Variants in IQSEC3 observed in about 807,000 individuals in gnomAD.
IQSEC3 encodes IQ motif and Sec7 domain ArfGEF 3.
Under a neutral mutation model 105.4 loss-of-function variants are expected in IQSEC3, and 50 were observed. The ratio of observed to expected loss-of-function variants is 0.47; its 90% CI spans 0.38 to 0.60. IQSEC3 has a LOEUF of 0.60. IQSEC3 is among the 20% of genes least tolerant of loss of function. The pLI, the probability that IQSEC3 is intolerant of heterozygous loss-of-function variation, is 0.00. For missense variants in IQSEC3, 1,415 were observed against 1,630.0 expected (o/e 0.87, Z 2.27); for synonymous variants, 708 against 746.0 (o/e 0.95, Z 0.83).
At chr12:69,499 A>C (rs1863226251) in intron 1 of IQSEC3, among the ~76,000 whole-genome samples, 1 of 152,266 alleles carries the variant, frequency 6.6e-6, no homozygotes, top group South Asian at 2.1e-4. Flanking sequence ...AGCATGGTGG[A>C]GCAGAGTGGA....
At chr12:156,110 A>G (rs970316157) in intron 5 of IQSEC3, among the ~76,000 whole-genome samples, 1 of 152,180 alleles carries the variant, frequency 6.6e-6, no homozygotes, top group African/African-American at 2.4e-5. Flanking sequence ...GGATCGGGCT[A>G]GACCAGAGGA....
At chr12:130,330 T>G (rs1865546591) in intron 3 of IQSEC3, among the ~76,000 whole-genome samples, 1 of 152,198 alleles carries the variant, frequency 6.6e-6, no homozygotes, top group Non-Finnish European at 1.5e-5. Context: ...CCCGTGAGAT[T>G]GGCACCATTA....
rs577995626 is a variant in IQSEC3, at chr12:138,133, C to T, written c.904-134C>T. 5.9e-5 allele frequency: 44 copies of T among 751,844 alleles called. 4 individuals carry two copies. In the South Asian group the frequency reaches 8.0e-4, roughly 14 times the overall value. 46.6% of individuals were successfully genotyped at this position (751,844 alleles called of 1,614,324 possible). A position where few individuals can be genotyped will look rare whatever the true frequency, so the allele number is the denominator to read the frequency against. On this transcript the variant is annotated intron_variant, in intron 3 of 13. Transcript: ENST00000538872. This position sits in a 1 kb window ranked among gnomAD's most constrained non-coding sequence, Gnocchi z 7.1. The stretch of plus-strand genomic sequence containing the variant: ...TTCTAGGCGGTTCAGACTTTAGCTG[C>T]CCAGGAGCGCCCCCCCGCCCCCGTC...
chr12:157,799 T>G, intron 7 of IQSEC3, 105 bp downstream of exon 7: 1 of 1,300,262 alleles, frequency 7.7e-7, no homozygotes, highest in Non-Finnish European at 1.1e-6. Flanking sequence ...GATGGTCACC[T>G]GCTGTCTGGG....
At chr12:157,856 G>A (rs1565443052) in intron 7 of IQSEC3, among the ~76,000 whole-genome samples, 162 bp downstream of exon 7, 4 of 152,248 alleles carry the variant, frequency 2.6e-5, no homozygotes, top group Admixed American at 2.0e-4. Context: ...GAGCCAGGCG[G>A]CTGGGGAGTT....
At chr12:99,060 T>C (rs1864333193) in intron 1 of IQSEC3, 86 bp from the exon 2 acceptor site, 1 of 1,279,498 alleles carries the variant, frequency 7.8e-7, no homozygotes, top group Non-Finnish European at 1.1e-6. Flanking sequence ...AGCAGCAAGA[T>C]TTCAGGGCAG....
chr12:140,998 G>A, intron 4 of IQSEC3, 126 bp from the exon 5 acceptor site: 1 of 964,448 alleles, frequency 1.0e-6, no homozygotes. Context: ...TCTGGTGAGA[G>A]AAGCTTCAAT....
Position 139,042 on chromosome 12 carries a change from G to T in IQSEC3, c.1679G>T (p.Ser560Ile). The T allele has an allele frequency of 6.7e-7, 1 of 1,487,132 alleles. No individual in the cohort carries two copies. The highest frequency in any genetic ancestry group is 2.4e-5 in the Admixed American group (1 of 41,816). 92.1% of individuals were successfully genotyped at this position (1,487,132 alleles called of 1,614,324 possible). Reference protein sequence around the residue: ...AEDSCAEAAASGAADGATAPK... With the variant: ...AEDSCAEAAAIGAADGATAPK... Reference sequence around the variant, plus strand: ...GACTCATGCGCAGAGGCTGCGGCTAGTGGGGCGGCGGATGGGGCCACAGCC... The same window carrying T: ...GACTCATGCGCAGAGGCTGCGGCTATTGGGGCGGCGGATGGGGCCACAGCC... Residue 560 changes from serine to isoleucine, a missense_variant, in exon 4 of 14, where the codon AGT (serine) becomes ATT (isoleucine). Ser to Ile is a moderately radical substitution (Grantham distance 142, BLOSUM62 -2). This residue lies in a region of IQSEC3 where 720 missense variants were observed against 633.0 expected (regional missense o/e 1.14). Coordinates refer to ENST00000538872, the MANE Select transcript of IQSEC3 (RefSeq NM_001170738.2).
At chr12:116,739 G>A (rs781975600) in intron 2 of IQSEC3, among the ~76,000 whole-genome samples, 1 of 151,714 alleles carries the variant, frequency 6.6e-6, no homozygotes, top group Non-Finnish European at 1.5e-5. Context: ...AGGCTCCCAC[G>A]AGGCTCCCAC....
chr12:149,845 G>T (rs782458436), intron 5 of IQSEC3, among the ~76,000 whole-genome samples: 1 of 152,178 alleles, frequency 6.6e-6, no homozygotes, highest in Non-Finnish European at 1.5e-5. Flanking sequence ...AGGCTGCAGG[G>T]GGGGACCATG....
Position 138,417 on chromosome 12 carries a change from T to C in IQSEC3, c.1054T>C (p.Ser352Pro), listed in dbSNP as rs1362527178. The change falls in exon 4 of 14, where the codon TCC becomes CCC. Residue 352 changes from serine to proline, a missense_variant. Physicochemically the swap from Ser to Pro is moderately conservative, Grantham distance 74 (BLOSUM62 -1). Coordinates refer to ENST00000538872, the MANE Select transcript of IQSEC3 (RefSeq NM_001170738.2). This position sits in a 1 kb window ranked among gnomAD's most constrained non-coding sequence, Gnocchi z 7.1. ...GGAGAGCCGCCTGCCACGGCGGATC[T>C]CCCTGCGCAAGGTGCGGTCACCCAC... Reference protein sequence around the residue: ...LLESRLPRRISLRKVRSPTAE... With the variant: ...LLESRLPRRIPLRKVRSPTAE... The C allele has an allele frequency of 1.1e-5, 18 of 1,608,894 alleles. No homozygotes were observed. Among genetic ancestry groups the C allele is most frequent in the Non-Finnish European group, 1.5e-5 (18 of 1,179,792 alleles).
chr12:140,019 A>G (rs1865952066), intron 4 of IQSEC3, among the ~76,000 whole-genome samples: 1 of 152,146 alleles, frequency 6.6e-6, no homozygotes, highest in Non-Finnish European at 1.5e-5. Context: ...CTCCCATGGA[A>G]ATGTCAGGTC....
chr12:162,340 G>C (rs1294992813), intron 8 of IQSEC3, among the ~76,000 whole-genome samples: 2 of 152,050 alleles, frequency 1.3e-5, no homozygotes, highest in South Asian at 4.2e-4. Flanking sequence ...GCATCTGGGT[G>C]GCCAGATGAG....
intron 1 of IQSEC3, among the ~76,000 whole-genome samples, chr12:96,397 C>T (rs1246839279): frequency 6.6e-6 from 1 of 152,030 alleles, no homozygotes; most frequent in Non-Finnish European, 1.5e-5. Context: ...TAAAAAGGTG[C>T]GAGACTCTTA....
Position 176,299 on chromosome 12 carries a change from C to T in IQSEC3, c.*1266C>T, listed in dbSNP as rs1418045432. 1 of 152,318 alleles carries T rather than the reference C, an allele frequency of 6.6e-6. No homozygotes were observed. The highest frequency in any genetic ancestry group is 1.5e-5 in the Non-Finnish European group (1 of 68,122). The allele number at this position is 152,318 out of a possible 1,614,324, so 9.4% of individuals were successfully genotyped here. On this transcript the variant is annotated 3_prime_UTR_variant, in exon 14 of 14. Transcript: ENST00000538872. This position sits in a 1 kb window ranked among gnomAD's most constrained non-coding sequence, Gnocchi z 4.0. Reference sequence around the variant, plus strand: ...ACGAGCCCAAGCCTGGGGAAGGGCCCCTCCCCAGCCAGACGAGAGGCAGCC... The same window carrying T: ...ACGAGCCCAAGCCTGGGGAAGGGCCTCTCCCCAGCCAGACGAGAGGCAGCC...
intron 2 of IQSEC3, among the ~76,000 whole-genome samples, chr12:99,430 C>T (rs781866554): frequency 1.1e-4 from 16 of 152,202 alleles, no homozygotes; most frequent in South Asian, 2.1e-4. Flanking sequence ...TATGCCCTGT[C>T]GATCACACCC....
At chr12:143,350 T>A (rs1200060840) in intron 5 of IQSEC3, 1 of 152,700 alleles carries the variant, frequency 6.5e-6, no homozygotes, top group East Asian at 1.9e-4. Context: ...GGACCCGGGC[T>A]CTGCTCCTCT....
intron 9 of IQSEC3, among the ~76,000 whole-genome samples, chr12:164,369 G>A (rs773538861): frequency 4.6e-5 from 7 of 151,982 alleles, no homozygotes; most frequent in South Asian, 2.1e-4. Context: ...GAGCAGCAGC[G>A]TGATCTCTCT....
chr12:153,962 A>G (rs782178087), intron 5 of IQSEC3, among the ~76,000 whole-genome samples: 3 of 152,162 alleles, frequency 2.0e-5, no homozygotes, highest in Non-Finnish European at 4.4e-5. Context: ...GGTGGGGTCC[A>G]GCGAGCTGCA....
Sources: gnomAD v4.1 joint callset for allele counts (sites outside exome capture counted in the v4.1 genomes callset) on GRCh38, gnomAD v4.1.1 for gene constraint, gnomAD v4.1.1 regional missense constraint, Gnocchi (gnomAD v3.1) non-coding constraint, MANE v1.5 for transcripts, NCBI Gene and HGNC (gene_info 2026-07-23, HGNC 2026-07-21) for gene names.